The following STK32B variants were observed in gnomAD, a reference collection of about 807,000 sequenced individuals.
STK32B encodes the protein serine/threonine-protein kinase 32B.
A neutral mutation model predicts 52.6 loss-of-function variants in STK32B; 43 were observed. The observed-to-expected ratio is 0.82, with a 90% confidence interval of 0.64 to 1.05. The LOEUF (loss-of-function observed/expected upper bound fraction) is 1.05, where lower values mean the gene tolerates loss of function less well. Among genes scored for constraint, STK32B ranks in the 50% least tolerant of loss-of-function variants. The probability of loss-of-function intolerance (pLI) is 0.00; values close to 1 mark genes in which losing one functional copy is unlikely to be tolerated. For missense variants in STK32B, 621 were observed against 534.6 expected, an observed-to-expected ratio of 1.16 and a Z score of -1.59; for synonymous variants, 238 against 204.3, an observed-to-expected ratio of 1.17 and a Z score of -1.41.
chr4:5,443,207 C>T (rs1378171866), intron 6 of STK32B, among the ~76,000 whole-genome samples: 1 of 147,870 alleles, frequency 6.8e-6, no homozygotes, highest in African/African-American at 2.5e-5. Context: ...TGTTTTCCAA[C>T]TTGGTTCCAT....
intron 3 of STK32B, among the ~76,000 whole-genome samples, chr4:5,239,666 G>A (rs1317878305): frequency 6.6e-6 from 1 of 152,194 alleles, no homozygotes; most frequent in African/African-American, 2.4e-5. Flanking sequence ...AGAGGCATGA[G>A]AGGGGTTGTG....
intron 3 of STK32B, among the ~76,000 whole-genome samples, chr4:5,305,580 G>A (rs1729871381): frequency 1.3e-5 from 2 of 151,856 alleles, no homozygotes; most frequent in African/African-American, 4.8e-5. Flanking sequence ...GAGCTTATTT[G>A]GATCTCTTTT....
At chr4:5,493,043 T>C (rs1306652608) in intron 11 of STK32B, among the ~76,000 whole-genome samples, 3 of 151,556 alleles carry the variant, frequency 2.0e-5, no homozygotes, top group African/African-American at 7.3e-5. Flanking sequence ...AAATTCTCTT[T>C]TATGGTTGTG....
At chr4:5,302,718 A>C (rs1237648171) in intron 3 of STK32B, among the ~76,000 whole-genome samples, 2 of 152,034 alleles carry the variant, frequency 1.3e-5, no homozygotes. Context: ...AGCAGTGTAC[A>C]CTGTACCCGA....
intron 4 of STK32B, among the ~76,000 whole-genome samples, chr4:5,335,696 T>G (rs1732625653): frequency 6.6e-6 from 1 of 152,120 alleles, no homozygotes; most frequent in Non-Finnish European, 1.5e-5. Context: ...TCTCGTTGGT[T>G]TCAAAGAACA....
intron 11 of STK32B, among the ~76,000 whole-genome samples, chr4:5,491,435 T>G (rs558024828): frequency 6.6e-6 from 1 of 152,244 alleles, no homozygotes; most frequent in African/African-American, 2.4e-5. Context: ...GTCTGATTTT[T>G]TCTTGTAAAT....
intron 3 of STK32B, among the ~76,000 whole-genome samples, chr4:5,188,207 G>A (rs545668530): frequency 1.4e-4 from 22 of 152,190 alleles, no homozygotes; most frequent in South Asian, 6.2e-4. Context: ...AATTGCTAGT[G>A]GGAGGTGGCG....
rs533557712 is a variant in STK32B at position 5,206,072 on chromosome 4, A to G, written c.260+37622A>G. 9.2e-5 allele frequency among the ~76,000 whole-genome samples: 14 copies of G among 152,362 alleles called. No individual in the cohort carries two copies. The East Asian group carries it at 2.7e-3, about 29-fold the overall frequency. ...AAAATCTTTATAGTACTACACCAAC[A>G]GATTTGGTCTAGAGTGTCCCCTTTG... On this transcript the variant is annotated intron_variant, in intron 3 of 11. Transcript: ENST00000282908.
At chr4:5,164,054 G>A (rs1430424557) in intron 2 of STK32B, among the ~76,000 whole-genome samples, 2 of 152,234 alleles carry the variant, frequency 1.3e-5, no homozygotes, top group African/African-American at 4.8e-5. Context: ...GAGGACTACA[G>A]AGTGTTTGGC....
chr4:5,482,059 G>C (rs559011179), intron 11 of STK32B, among the ~76,000 whole-genome samples: 1 of 152,264 alleles, frequency 6.6e-6, no homozygotes, highest in South Asian at 2.1e-4. Context: ...GATTGACTTG[G>C]CAATGTGGGC....
chr4:5,086,597 C>T (rs763348300), intron 1 of STK32B, among the ~76,000 whole-genome samples: 11 of 151,732 alleles, frequency 7.2e-5, no homozygotes, highest in Non-Finnish European at 7.4e-5. Flanking sequence ...AAACAATAAG[C>T]TACACTTCCA....
Position 5,467,411 on chromosome 4 carries a change from C to T in STK32B, c.1041+577C>T, listed in dbSNP as rs775009285. Among the ~76,000 whole-genome samples, 9 of 152,174 alleles carry T rather than the reference C, an allele frequency of 5.9e-5. No homozygotes were observed. Among genetic ancestry groups the T allele is most frequent in the Non-Finnish European group, 1.3e-4 (9 of 68,046 alleles). On this transcript the variant is annotated intron_variant, in intron 10 of 11. Coordinates refer to ENST00000282908, the MANE Select transcript of STK32B (RefSeq NM_018401.3). This position sits in a 1 kb window ranked among gnomAD's most constrained non-coding sequence, Gnocchi z 5.8. ...TCGCAGCTGCATGGTTCCAGTCTCT[C>T]CCTCCGTCACTGCATGGCCTTATTC...
At chr4:5,330,280 A>G (rs1732145753) in intron 3 of STK32B, among the ~76,000 whole-genome samples, 1 of 152,168 alleles carries the variant, frequency 6.6e-6, no homozygotes, top group Admixed American at 6.5e-5. Flanking sequence ...ATACCCTGTA[A>G]GTCTACAATG....
At chr4:5,374,779 CGG>C (rs569937512) in intron 4 of STK32B, among the ~76,000 whole-genome samples, 1 of 136,140 alleles carries the variant, frequency 7.3e-6, no homozygotes, top group South Asian at 2.5e-4. Context: ...TTGACGGGGG[CGG>C]GGGGGGAACA....
At chr4:5,488,084 ATTC>A (rs1446436226) in intron 11 of STK32B, among the ~76,000 whole-genome samples, 5 of 152,198 alleles carry the variant, frequency 3.3e-5, no homozygotes, top group African/African-American at 1.2e-4. Context: ...TGATAACCCT[ATTC>A]TTATATGGTC....
At chr4:5,059,030 C>T (rs888673143) in intron 1 of STK32B, among the ~76,000 whole-genome samples, 3 of 138,794 alleles carry the variant, frequency 2.2e-5, no homozygotes, top group Non-Finnish European at 4.6e-5. Flanking sequence ...AGATTACAGG[C>T]GTGAGCCACC....
At chr4:5,388,947 T>A (rs566984831) in intron 4 of STK32B, among the ~76,000 whole-genome samples, 1 of 152,316 alleles carries the variant, frequency 6.6e-6, no homozygotes, top group African/African-American at 2.4e-5. Flanking sequence ...GCACAGCTTT[T>A]GAACTGAATT....
chr4:5,099,117 C>T lies in STK32B; in HGVS notation c.53-40788C>T, dbSNP rs575858801. On this transcript the variant is annotated intron_variant, in intron 1 of 11. Coordinates refer to ENST00000282908, the MANE Select transcript of STK32B (RefSeq NM_018401.3). Reference sequence around the variant, plus strand: ...GGTTTTTCCAGTTTCTAGAGGTGCCCACATTCCCTGGCTCATGACCTCCTG... The same window carrying T: ...GGTTTTTCCAGTTTCTAGAGGTGCCTACATTCCCTGGCTCATGACCTCCTG... 2.0e-5 allele frequency among the ~76,000 whole-genome samples: 3 copies of T among 152,224 alleles called. No individual in the cohort carries two copies. The South Asian group carries it at 6.2e-4, about 32-fold the overall frequency.
chr4:5,179,427 T>C (rs568288751), intron 3 of STK32B, among the ~76,000 whole-genome samples: 98 of 152,350 alleles, frequency 6.4e-4, no homozygotes, highest in Non-Finnish European at 1.1e-3. Flanking sequence ...ATTTATATAG[T>C]ATCCACCTAT....
Sources: allele counts gnomAD v4.1 joint callset (sites outside exome capture counted in the v4.1 genomes callset), GRCh38; gene constraint gnomAD v4.1.1; non-coding constraint Gnocchi (gnomAD v3.1); transcripts MANE v1.5; gene names NCBI Gene and HGNC (gene_info 2026-07-23, HGNC 2026-07-21).